The following NEK11 variants were observed in gnomAD, a reference collection of about 807,000 sequenced individuals.
NEK11 encodes the protein serine/threonine-protein kinase Nek11.
Under a neutral mutation model 80.7 loss-of-function variants are expected in NEK11, and 72 were observed. The observed-to-expected ratio is 0.89, with a 90% confidence interval of 0.74 to 1.08. The LOEUF (loss-of-function observed/expected upper bound fraction) is 1.08. Ranked by LOEUF, NEK11 falls within the 50% of genes least tolerant of loss-of-function variation. The pLI is 0.00. For synonymous variants in NEK11, 251 were observed against 260.7 expected, an observed-to-expected ratio of 0.96 and a Z score of 0.36; for missense variants, 764 against 763.6, an observed-to-expected ratio of 1.00 and a Z score of -0.01.
chr3:131,122,153 G>A (rs1473350582), intron 5 of NEK11, among the ~76,000 whole-genome samples: 1 of 152,162 alleles, frequency 6.6e-6, no homozygotes, highest in Non-Finnish European at 1.5e-5. Context: ...GTAGTGTTAA[G>A]AACTCATTTT....
At chr3:131,219,594 G>A (rs947910885) in intron 14 of NEK11, among the ~76,000 whole-genome samples, 3 of 151,994 alleles carry the variant, frequency 2.0e-5, no homozygotes, top group African/African-American at 7.2e-5. Context: ...AGGACACAGG[G>A]ACACCAGGGT....
intron 14 of NEK11, among the ~76,000 whole-genome samples, chr3:131,217,382 T>G (rs2107611279): frequency 6.6e-6 from 1 of 151,966 alleles, no homozygotes; most frequent in Non-Finnish European, 1.5e-5. Flanking sequence ...TTAGGAGTGG[T>G]TTTTATCTTG....
intron 15 of NEK11, among the ~76,000 whole-genome samples, chr3:131,242,067 T>C (rs542552428): frequency 2.6e-5 from 4 of 152,270 alleles, no homozygotes; most frequent in Non-Finnish European, 4.4e-5. Flanking sequence ...ATGTACTTCA[T>C]GGATCTGACT....
chr3:131,268,031 C>G (rs2096096752), intron 16 of NEK11, among the ~76,000 whole-genome samples: 1 of 152,014 alleles, frequency 6.6e-6, no homozygotes, highest in Admixed American at 6.6e-5. Context: ...TTCATAGTCT[C>G]TGATATCCTT....
At chr3:131,301,475 C>CT (rs1223489753) in intron 17 of NEK11, among the ~76,000 whole-genome samples, 1,860 of 145,230 alleles carry the variant, frequency 0.013, 23 homozygotes, top group African/African-American at 0.039. Flanking sequence ...AATGCTACAG[C>CT]TTTTTTTTTT....
intron 5 of NEK11, among the ~76,000 whole-genome samples, chr3:131,117,589 G>C (rs2081496544): frequency 6.6e-6 from 1 of 152,090 alleles, no homozygotes; most frequent in Non-Finnish European, 1.5e-5. Context: ...TCACGATATT[G>C]ATTCTTCCTA....
At chr3:131,272,703 T>C (rs1416406787) in intron 16 of NEK11, among the ~76,000 whole-genome samples, 2 of 152,022 alleles carry the variant, frequency 1.3e-5, no homozygotes, top group Non-Finnish European at 2.9e-5. Flanking sequence ...CCCAAACTCG[T>C]GACCTCAGGT....
chr3:131,337,494 T>C (rs1464066052), intron 17 of NEK11, among the ~76,000 whole-genome samples: 1 of 151,828 alleles, frequency 6.6e-6, no homozygotes, highest in Non-Finnish European at 1.5e-5. Context: ...AGGGATAGCA[T>C]TAGGAGCTAT....
chr3:131,201,571 A>G (rs967641281), intron 14 of NEK11, among the ~76,000 whole-genome samples: 3 of 152,192 alleles, frequency 2.0e-5, no homozygotes, highest in Admixed American at 6.5e-5. Flanking sequence ...GTAGTAGTTT[A>G]TCATCCAGAA....
At position 131,075,334 on chromosome 3, in the gene NEK11, G is replaced by A. The variant is rs150632486; in HGVS notation, c.171-5089G>A. ...AAAATAATATTTTTGTTTTACCAAG[G>A]GAAGGAAAAACAACAGAAATAAAAT... On this transcript the variant is annotated intron_variant, in intron 3 of 17. Coordinates refer to ENST00000383366, the MANE Select transcript of NEK11 (RefSeq NM_024800.5). Among the ~76,000 whole-genome samples the A allele has an allele frequency of 2.6e-3, 397 of 152,164 alleles. 3 individuals are homozygous for A. Among genetic ancestry groups the A allele is most frequent in the African/African-American group, 9.2e-3 (380 of 41,514 alleles).
chr3:131,299,128 C>T (rs899127685), intron 17 of NEK11, among the ~76,000 whole-genome samples: 2 of 152,232 alleles, frequency 1.3e-5, no homozygotes, highest in South Asian at 2.1e-4. Context: ...GTTTGTTATA[C>T]AGATAAATTG....
chr3:131,082,147 G>A (rs1488546294), intron 4 of NEK11, among the ~76,000 whole-genome samples: 1 of 152,174 alleles, frequency 6.6e-6, no homozygotes, highest in Non-Finnish European at 1.5e-5. Flanking sequence ...GTGGATTGCT[G>A]AGAAAATCAG....
chr3:131,225,557 T>A (rs2095167748), intron 14 of NEK11, among the ~76,000 whole-genome samples: 2 of 152,358 alleles, frequency 1.3e-5, no homozygotes, highest in South Asian at 4.1e-4. Flanking sequence ...GAGATGAATA[T>A]TATCATCTTT....
At chr3:131,183,933 C>A (rs2093483541) in intron 14 of NEK11, among the ~76,000 whole-genome samples, 1 of 152,180 alleles carries the variant, frequency 6.6e-6, no homozygotes, top group Non-Finnish European at 1.5e-5. Flanking sequence ...TCCCCACAGC[C>A]TTGCCAGCAT....
At chr3:131,235,298 C>G (rs922287609) in intron 15 of NEK11, among the ~76,000 whole-genome samples, 1 of 152,164 alleles carries the variant, frequency 6.6e-6, no homozygotes, top group Non-Finnish European at 1.5e-5. Flanking sequence ...CTCCACTACC[C>G]TACATTAATC....
chr3:131,176,008 G>A (rs150647041), intron 14 of NEK11, among the ~76,000 whole-genome samples: 1 of 152,184 alleles, frequency 6.6e-6, no homozygotes, highest in African/African-American at 2.4e-5. Flanking sequence ...TCCACAAGGA[G>A]TGTTAACAAA....
At chr3:131,096,709 TTTTAATTTAA>T (rs765686989) in intron 4 of NEK11, among the ~76,000 whole-genome samples, 2 of 151,896 alleles carry the variant, frequency 1.3e-5, no homozygotes, top group African/African-American at 4.8e-5. Context: ...TGACTTTTTA[TTTTAATTTAA>T]TTTAATTTAA....
chr3:131,345,520 A>G (rs561508796), intron 17 of NEK11, among the ~76,000 whole-genome samples: 1 of 152,346 alleles, frequency 6.6e-6, no homozygotes, highest in African/African-American at 2.4e-5. Flanking sequence ...AATGTCTGTT[A>G]TCAAAAAGAA....
rs765912607 is a variant in NEK11, at chr3:131,080,497, T to G, written c.245T>G (p.Leu82Arg). Reference sequence around the variant, plus strand: ...GTACAGGCCAATTTGGAAGCCCAACTCCTCTCCAAGCTGGACCACCCAGCC... The same window carrying G: ...GTACAGGCCAATTTGGAAGCCCAACGCCTCTCCAAGCTGGACCACCCAGCC... ...ETVQANLEAQ[L>R]LSKLDHPAIV... Residue 82 changes from leucine to arginine, a missense_variant, in exon 4 of 18, where the codon CTC becomes CGC. Coordinates refer to ENST00000383366, the MANE Select transcript of NEK11 (RefSeq NM_024800.5). 1 of 1,614,058 alleles carries G rather than the reference T, an allele frequency of 6.2e-7. No individual in the cohort carries two copies. Among genetic ancestry groups the G allele is most frequent in the East Asian group, 2.2e-5 (1 of 44,870 alleles).
Sources: allele counts gnomAD v4.1 joint callset (sites outside exome capture counted in the v4.1 genomes callset), GRCh38; gene constraint gnomAD v4.1.1; transcripts MANE v1.5; gene names NCBI Gene and HGNC (gene_info 2026-07-23, HGNC 2026-07-21).